The following ANKRD28 variants were observed in gnomAD, a reference collection of about 807,000 sequenced individuals.
The protein encoded by ANKRD28 is ankyrin repeat domain 28.
Under a neutral mutation model 126.5 loss-of-function variants are expected in ANKRD28, and 44 were observed. That is an observed-to-expected ratio of 0.35 (90% confidence interval 0.27 to 0.45). The LOEUF (loss-of-function observed/expected upper bound fraction) is 0.45. ANKRD28 is among the 20% of genes least tolerant of loss of function. The probability of loss-of-function intolerance (pLI) is 1.00; values close to 1 mark genes in which losing one functional copy is unlikely to be tolerated. For synonymous variants in ANKRD28, 442 were observed against 468.5 expected, an observed-to-expected ratio of 0.94 and a Z score of 0.73; for missense variants, 1,110 against 1,316.6, an observed-to-expected ratio of 0.84 and a Z score of 2.43.
chr3:15,809,769 T>A (rs2060668929), intron 1 of ANKRD28, among the ~76,000 whole-genome samples: 1 of 152,232 alleles, frequency 6.6e-6, no homozygotes, highest in Non-Finnish European at 1.5e-5. Flanking sequence ...CACCAGTTAC[T>A]TTTCTAAATC....
At chr3:15,754,192 A>T (rs965012195) in intron 3 of ANKRD28, among the ~76,000 whole-genome samples, 18 of 152,220 alleles carry the variant, frequency 1.2e-4, no homozygotes, top group Admixed American at 1.0e-3. Flanking sequence ...TAATTCATAA[A>T]TTTTAAATTG....
At chr3:15,799,138 C>G (rs770709336), upstream of ANKRD28, among the ~76,000 whole-genome samples, 3 of 152,024 alleles carry the variant, frequency 2.0e-5, no homozygotes, top group Non-Finnish European at 2.9e-5. Flanking sequence ...CTTCTCTCCA[C>G]TCATCTCCAG....
intron 6 of ANKRD28, among the ~76,000 whole-genome samples, chr3:15,734,818 G>C (rs764644010): frequency 1.1e-4 from 17 of 152,144 alleles, no homozygotes; most frequent in Non-Finnish European, 2.2e-4. Context: ...GTTTCTGTTA[G>C]TGCTGTGGTC....
intron 2 of ANKRD28, among the ~76,000 whole-genome samples, chr3:15,773,380 T>A (rs536475487): frequency 1.3e-5 from 2 of 152,196 alleles, no homozygotes; most frequent in South Asian, 2.1e-4. Flanking sequence ...AACCCAGTAC[T>A]ATGGGAGGCT....
In ANKRD28 at chr3:15,685,461, T is replaced by A; in HGVS notation, c.2170-16A>T. The A allele has an allele frequency of 1.2e-6, 2 of 1,611,974 alleles. No homozygotes were observed. Among genetic ancestry groups the A allele is most frequent in the Non-Finnish European group, 1.7e-6 (2 of 1,178,064 alleles). ...CTGTAACTGCCTGAAAGAAAATAAT[T>A]TAAAGGTAGTCAAACATATTATGCT... On this transcript the variant is annotated splice_polypyrimidine_tract_variant and intron_variant, in intron 20 of 27. Coordinates refer to ENST00000683139, the MANE Select transcript of ANKRD28 (RefSeq NM_001349278.2).
At chr3:15,707,833 A>C (rs1013378321) in intron 14 of ANKRD28, 91 bp downstream of exon 14, 47 of 1,457,952 alleles carry the variant, frequency 3.2e-5, no homozygotes, top group Non-Finnish European at 4.0e-5. Context: ...AAATACAAAG[A>C]GGAAACACAA....
intron 1 of ANKRD28, among the ~76,000 whole-genome samples, chr3:15,836,229 G>A (rs1013172204): frequency 1.3e-5 from 2 of 151,788 alleles, no homozygotes; most frequent in Non-Finnish European, 2.9e-5. Context: ...ATTACTGTTG[G>A]GTTTATTACA....
At chr3:15,689,976 TGGATA>T (rs1228930180) in intron 18 of ANKRD28, 38 bp downstream of exon 18, 1 of 1,462,672 alleles carries the variant, frequency 6.8e-7, no homozygotes, top group African/African-American at 1.4e-5. Context: ...AAAAAAGTAT[TGGATA>T]GAAGTTATAA....
chr3:15,724,714 C>G (rs1424631097), intron 6 of ANKRD28, among the ~76,000 whole-genome samples, 190 bp from the exon 7 acceptor site: 1 of 152,144 alleles, frequency 6.6e-6, no homozygotes, highest in African/African-American at 2.4e-5. Flanking sequence ...CATAATGGCT[C>G]ATGCCTATAA....
chr3:15,710,380 G>C (rs1191600217), intron 12 of ANKRD28, among the ~76,000 whole-genome samples: 1 of 152,150 alleles, frequency 6.6e-6, no homozygotes, highest in African/African-American at 2.4e-5. Flanking sequence ...ACTCAAGTCT[G>C]TTGTCCCTCT....
chr3:15,695,742 T>C (rs142207479), intron 15 of ANKRD28, among the ~76,000 whole-genome samples: 2 of 152,068 alleles, frequency 1.3e-5, no homozygotes, highest in East Asian at 1.9e-4. Flanking sequence ...TTAGGAGGGG[T>C]TGTGAAATAA....
chr3:15,711,162 C>T, intron 12 of ANKRD28, 49 bp downstream of exon 12: 1 of 1,439,456 alleles, frequency 6.9e-7, no homozygotes. Flanking sequence ...AGAAAACCTG[C>T]CATGACCAGC....
In ANKRD28 at chr3:15,690,149, A is replaced by G; in HGVS notation, c.1833T>C (p.Ser611=). 1 of 1,609,506 alleles carries G rather than the reference A, an allele frequency of 6.2e-7. No homozygotes were observed. The highest frequency in any genetic ancestry group is 8.5e-7 in the Non-Finnish European group (1 of 1,177,706). ...CAAGATCTAGGGGTGTTCTTCCACT[A>G]CTATTTCTGACATCAAGATCTAACA... The part of the protein sequence containing the change: ...QSLLDLDVRN[S]SGRTPLDLAA... Residue 611 remains serine, a synonymous_variant, in exon 18 of 28, where the codon AGT becomes AGC. Transcript: ENST00000683139.
chr3:15,743,671 C>G (rs2057281352), intron 4 of ANKRD28, among the ~76,000 whole-genome samples: 1 of 151,790 alleles, frequency 6.6e-6, no homozygotes, highest in Non-Finnish European at 1.5e-5. Context: ...TTACACAGAG[C>G]TGAACTATAT....
chr3:15,796,875 A>T lies in ANKRD28; in HGVS notation c.-354T>A, dbSNP rs567434117. On this transcript the variant is annotated 5_prime_UTR_variant, in exon 1 of 28. It removes the in-frame stop codon of an upstream open reading frame in the 5' UTR. Transcript: ENST00000683139. ...TCTTATTGCTCTATCTCTGAAATTT[A>T]CTTGCACAAAACAATCATTGTTTTT... 7.3e-5 allele frequency: 72 copies of T among 988,272 alleles called. No homozygotes were observed. In the South Asian group the frequency reaches 2.9e-3, roughly 40 times the overall value. The allele number at this position is 988,272 out of a possible 1,614,324, so 61.2% of individuals were successfully genotyped here.
chr3:15,824,889 T>C (rs2061025324), intron 1 of ANKRD28, among the ~76,000 whole-genome samples: 1 of 152,204 alleles, frequency 6.6e-6, no homozygotes, highest in Non-Finnish European at 1.5e-5. Context: ...GGTAGAAATA[T>C]ACATTGATAC....
At chr3:15,795,328 A>C in intron 1 of ANKRD28, 22 bp from the exon 2 acceptor site, 1 of 1,505,624 alleles carries the variant, frequency 6.6e-7, no homozygotes, top group Non-Finnish European at 9.2e-7. Context: ...GAGAGTAATA[A>C]AAACATTAGA....
At chr3:15,837,558 G>GA (rs1411330024) in intron 1 of ANKRD28, among the ~76,000 whole-genome samples, 1 of 152,018 alleles carries the variant, frequency 6.6e-6, no homozygotes, top group Non-Finnish European at 1.5e-5. Context: ...GGACTAGAGA[G>GA]AAAAATCACA....
chr3:15,736,807 A>G (rs1295716177), intron 5 of ANKRD28, among the ~76,000 whole-genome samples: 2 of 152,194 alleles, frequency 1.3e-5, no homozygotes, highest in African/African-American at 4.8e-5. Context: ...TGTTGTGTTA[A>G]GAGTTGGTAT....
Sources: gnomAD v4.1 joint callset for allele counts (sites outside exome capture counted in the v4.1 genomes callset) on GRCh38, gnomAD v4.1.1 for gene constraint, MANE v1.5 for transcripts, NCBI Gene and HGNC (gene_info 2026-07-23, HGNC 2026-07-21) for gene names.